ANGPT2: variants seen among roughly 807,000 people sequenced by gnomAD.
ANGPT2 encodes angiopoietin 2, also known as angiopoietin-2.
Under a neutral mutation model 62.9 loss-of-function variants are expected in ANGPT2, and 28 were observed. The observed-to-expected ratio is 0.44, with a 90% CI of 0.33 to 0.61. The LOEUF (loss-of-function observed/expected upper bound fraction) is 0.61, where lower values mean the gene tolerates loss of function less well. Ranked by LOEUF, ANGPT2 falls within the 20% of genes least tolerant of loss-of-function variation. ANGPT2 has a pLI of 0.03. For synonymous variants in ANGPT2, 284 were observed against 207.8 expected, an observed-to-expected ratio of 1.37 and a Z score of -3.15; for missense variants, 727 against 594.9, an observed-to-expected ratio of 1.22 and a Z score of -2.31.
chr8:6,562,578 T>TTTTTTTTTTTTTTTAAAAA, intron 1 of ANGPT2, 69 bp downstream of exon 1: 1 of 880,188 alleles, frequency 1.1e-6, no homozygotes, highest in Non-Finnish European at 1.6e-6. Context: ...TTTTGGTTGT[T>TTTTTTTTTTTTTTTAAAAA]AAAACCTGAG....
At chr8:6,549,552 G>C (rs1406681147) in intron 1 of ANGPT2, among the ~76,000 whole-genome samples, 1 of 151,554 alleles carries the variant, frequency 6.6e-6, no homozygotes, top group Non-Finnish European at 1.5e-5. Flanking sequence ...ATATGGATGA[G>C]GAGGGGCGTG....
intron 2 of ANGPT2, among the ~76,000 whole-genome samples, chr8:6,529,898 A>G (rs534885418): frequency 1.0e-4 from 15 of 150,128 alleles, no homozygotes; most frequent in African/African-American, 2.7e-4. Flanking sequence ...TTTTTAAATC[A>G]TATGACGCAA....
intron 8 of ANGPT2, chr8:6,507,844 A>C (rs1322252159): frequency 6.6e-6 from 1 of 151,998 alleles, no homozygotes; most frequent in Non-Finnish European, 1.5e-5. Context: ...TGGCCTCCCA[A>C]AGTGCTGGCA....
chr8:6,534,991 A>C (rs1224159881), intron 1 of ANGPT2, among the ~76,000 whole-genome samples: 5 of 152,216 alleles, frequency 3.3e-5, no homozygotes, highest in African/African-American at 1.2e-4. Context: ...TCCTCACAGC[A>C]CCCCAGCCAA....
chr8:6,512,494 C>T (rs1323712336), intron 7 of ANGPT2, among the ~76,000 whole-genome samples: 1 of 152,174 alleles, frequency 6.6e-6, no homozygotes, highest in Non-Finnish European at 1.5e-5. Context: ...GTGGGTATTT[C>T]ATAATGTGTG....
Position 6,527,424 on chromosome 8 carries a change from C to T in ANGPT2, c.566+131G>A, listed in dbSNP as rs952619911. 4.5e-6 allele frequency: 5 copies of T among 1,113,354 alleles called. No individual in the cohort carries two copies. The South Asian group carries it at 8.4e-5, about 19-fold the overall frequency. 69.0% of individuals were successfully genotyped at this position (1,113,354 alleles called of 1,614,324 possible). ...CTCCAAGCCCTCTCCCTTCTCCTCC[C>T]TCATGAGGTTTCTGACCCTTACACT... On this transcript the variant is annotated intron_variant, in intron 3 of 8. Coordinates refer to ENST00000629816, the MANE Select transcript of ANGPT2 (RefSeq NM_001118887.2).
At position 6,521,207 on chromosome 8, in the gene ANGPT2, T is replaced by A. The variant is rs374966371; in HGVS notation, c.770A>T (p.Asn257Ile). 9.0e-5 allele frequency: 146 copies of A among 1,613,722 alleles called. No homozygotes were observed. The East Asian group carries it at 2.0e-3, about 22-fold the overall frequency. ...QQHDLMETVN[N>I]LLTMMSTSNS... ...TGATGTGGACATCATAGTCAGTAAG[T>A]TATTAACTGTCTCCATGAGATCATG... Residue 257 changes from asparagine (N) to isoleucine (I), a missense_variant, in exon 4 of 9, where the codon AAC becomes ATC. Coordinates refer to ENST00000629816, the MANE Select transcript of ANGPT2 (RefSeq NM_001118887.2).
At chr8:6,544,919 T>G (rs1180049228) in intron 1 of ANGPT2, among the ~76,000 whole-genome samples, 1 of 152,224 alleles carries the variant, frequency 6.6e-6, no homozygotes, top group Non-Finnish European at 1.5e-5. Context: ...TCTCACTAGT[T>G]TTGTTCTCAC....
chr8:6,510,654 A>G (rs1024265093), intron 7 of ANGPT2, among the ~76,000 whole-genome samples: 1 of 152,184 alleles, frequency 6.6e-6, no homozygotes, highest in African/African-American at 2.4e-5. Context: ...TCAGACTCTT[A>G]AGTCATGGAG....
chr8:6,508,835 C>G (rs771686299), intron 8 of ANGPT2, 97 bp downstream of exon 8: 8 of 1,525,834 alleles, frequency 5.2e-6, no homozygotes, highest in Non-Finnish European at 6.3e-6. Context: ...TTGTGGACAT[C>G]GTTACAAATC....
chr8:6,529,194 T>C (rs1818969100), intron 2 of ANGPT2, among the ~76,000 whole-genome samples: 1 of 152,214 alleles, frequency 6.6e-6, no homozygotes, highest in Non-Finnish European at 1.5e-5. Flanking sequence ...GGCGTCCATC[T>C]GCAGGGGACT....
intron 1 of ANGPT2, among the ~76,000 whole-genome samples, chr8:6,536,510 G>A (rs1056171893): frequency 3.3e-5 from 5 of 152,006 alleles, no homozygotes; most frequent in Non-Finnish European, 7.3e-5. Flanking sequence ...TCAGTGGAGG[G>A]CCATTTTTAC....
intron 5 of ANGPT2, among the ~76,000 whole-genome samples, chr8:6,518,344 G>A (rs1816692148): frequency 6.6e-6 from 1 of 152,212 alleles, no homozygotes; most frequent in South Asian, 2.1e-4. Context: ...GAAAGGCTTA[G>A]CCTAGAGTCT....
chr8:6,507,643 C>G (rs1198393194), intron 8 of ANGPT2: 1 of 135,450 alleles, frequency 7.4e-6, no homozygotes, highest in South Asian at 2.3e-4. Context: ...GTGGCACGAT[C>G]TTGGGTTACT....
At chr8:6,503,961 C>T (rs927777419) in intron 8 of ANGPT2, among the ~76,000 whole-genome samples, 1 of 152,142 alleles carries the variant, frequency 6.6e-6, no homozygotes, top group African/African-American at 2.4e-5. Flanking sequence ...TTTTTGCTTT[C>T]TGCACTTTCA....
chr8:6,504,719 T>A (rs898816404), intron 8 of ANGPT2, among the ~76,000 whole-genome samples: 3 of 152,328 alleles, frequency 2.0e-5, no homozygotes, highest in East Asian at 3.9e-4. Flanking sequence ...ACAAATCTTA[T>A]ATCCATGAAA....
intron 7 of ANGPT2, among the ~76,000 whole-genome samples, chr8:6,511,706 G>T (rs1406172533): frequency 6.6e-6 from 1 of 152,080 alleles, no homozygotes; most frequent in African/African-American, 2.4e-5. Context: ...ATCTTGCCAA[G>T]CAAATTAAGC....
chr8:6,561,720 A>G (rs1196795636), intron 1 of ANGPT2, among the ~76,000 whole-genome samples: 2 of 152,246 alleles, frequency 1.3e-5, no homozygotes, highest in African/African-American at 4.8e-5. Flanking sequence ...TATATAGTCC[A>G]TATAAAGAAA....
chr8:6,558,888 CTATACA>C (rs1825071207), intron 1 of ANGPT2, among the ~76,000 whole-genome samples: 1 of 151,982 alleles, frequency 6.6e-6, no homozygotes, highest in Non-Finnish European at 1.5e-5. Flanking sequence ...ACATATCATA[CTATACA>C]TATACATATC....
Sources: gnomAD v4.1 joint callset for allele counts (sites outside exome capture counted in the v4.1 genomes callset) on GRCh38, gnomAD v4.1.1 for gene constraint, MANE v1.5 for transcripts, NCBI Gene and HGNC (gene_info 2026-07-23, HGNC 2026-07-21) for gene names.